HIVEP1: variants seen among roughly 807,000 people sequenced by gnomAD.
The protein encoded by HIVEP1 is HIVEP zinc finger 1.
A neutral mutation model predicts 180.0 loss-of-function variants in HIVEP1; 36 were observed. The ratio of observed to expected loss-of-function variants is 0.20; its 90% CI spans 0.15 to 0.26. The LOEUF (loss-of-function observed/expected upper bound fraction) is 0.26. Ranked by LOEUF, HIVEP1 falls within the 10% of genes least tolerant of loss-of-function variation. The pLI is 1.00. For missense variants in HIVEP1, 3,143 were observed against 3,268.7 expected (o/e 0.96, Z 0.94); for synonymous variants, 1,239 against 1,239.0 (o/e 1.00, Z 0.00).
In HIVEP1 at chr6:12,161,542, C is replaced by A. The variant is rs1049214459; in HGVS notation, c.6591C>A (p.Ser2197Arg). ...DNENEDDDED[S>R]QAESVLSATP... is the part of the protein sequence containing the mutation. ...AAAATGAAGACGATGATGAGGACAG[C>A]CAGGCTGAATCAGTCCTGTCAGCCA... Residue 2197 changes from serine to arginine, a missense_variant, in exon 8 of 9, where the codon AGC (serine) becomes AGA (arginine). By Grantham distance (110) the Ser-to-Arg change is moderately radical. This residue lies in a region of HIVEP1 where 126 missense variants were observed against 168.5 expected (regional missense o/e 0.75). Transcript: ENST00000379388. 5 of 1,614,102 alleles carry A rather than the reference C, an allele frequency of 3.1e-6. No homozygotes were observed. The Admixed American group carries it at 6.7e-5, about 22-fold the overall frequency.
At chr6:12,208,856 C>T in the HIVEP1 span, among the ~76,000 whole-genome samples, 2 of 151,646 alleles carry the variant, frequency 1.3e-5, no homozygotes, top group African/African-American at 4.8e-5. Flanking sequence ...GCCTAAGGTG[C>T]ACCATCTGTG....
rs1221588901 is a variant in HIVEP1, at chr6:12,162,687, G to T, written c.6979-596G>T. On this transcript the variant is annotated intron_variant, in intron 8 of 8. Transcript: ENST00000379388. ...ATGCCTAATTGTGGCAGATTGTGCT[G>T]TAAGCGTCTCTATCCCAAAACCTCT... 4.6e-5 allele frequency among the ~76,000 whole-genome samples: 7 copies of T among 152,210 alleles called. No individual in the cohort carries two copies. The South Asian group carries it at 1.2e-3, about 27-fold the overall frequency.
intron 2 of HIVEP1, among the ~76,000 whole-genome samples, chr6:12,051,849 C>T (rs1433443194): frequency 6.6e-6 from 1 of 152,050 alleles, no homozygotes; most frequent in Non-Finnish European, 1.5e-5. Context: ...TACACTTGTC[C>T]ATAATTATAC....
Position 12,079,933 on chromosome 6 carries a change from CATCTATCT to C in HIVEP1, c.41-9212_41-9205del, listed in dbSNP as rs60204350. The stretch of plus-strand genomic sequence containing the variant: ...AAATTTATTTTGACATTCCTGATGG[CATCTATCT>C]ATCTATCTATCTATCTATCTATCTA... On this transcript the variant is annotated intron_variant, in intron 2 of 8. Coordinates refer to ENST00000379388, the MANE Select transcript of HIVEP1 (RefSeq NM_002114.4). Among the ~76,000 whole-genome samples the C allele has an allele frequency of 6.0e-3, 891 of 149,242 alleles. 9 individuals are homozygous for C. The highest frequency in any genetic ancestry group is 0.017 in the African/African-American group (707 of 40,580).
chr6:12,029,277 T>C (rs1257553769), intron 2 of HIVEP1, among the ~76,000 whole-genome samples: 1 of 152,240 alleles, frequency 6.6e-6, no homozygotes, highest in Non-Finnish European at 1.5e-5. Flanking sequence ...GCATGGCATG[T>C]GTGTTCCTGT....
chr6:12,091,220 A>C (rs559465515), intron 3 of HIVEP1, among the ~76,000 whole-genome samples: 3 of 152,256 alleles, frequency 2.0e-5, no homozygotes, highest in African/African-American at 7.2e-5. Flanking sequence ...TCCATCAAAG[A>C]ATATACTTTA....
intron 7 of HIVEP1, among the ~76,000 whole-genome samples, chr6:12,159,207 TGC>T (rs1181843270): frequency 5.3e-5 from 8 of 151,902 alleles, no homozygotes; most frequent in South Asian, 2.1e-4. Flanking sequence ...TGTGTGTGTG[TGC>T]GCGCGCGCGT....
chr6:12,161,177 C>A (rs1019269229), intron 7 of HIVEP1, among the ~76,000 whole-genome samples: 2 of 152,184 alleles, frequency 1.3e-5, no homozygotes, highest in Non-Finnish European at 2.9e-5. Context: ...CCTCCACCTG[C>A]CTCATTCCCC....
the HIVEP1 span, among the ~76,000 whole-genome samples, chr6:12,211,499 A>C: frequency 5.8e-5 from 2 of 34,590 alleles, no homozygotes; most frequent in African/African-American, 1.9e-4. Flanking sequence ...ACACACACAC[A>C]CCCACACAAC....
chr6:12,030,465 A>T (rs1283898145), intron 2 of HIVEP1, among the ~76,000 whole-genome samples: 1 of 151,396 alleles, frequency 6.6e-6, no homozygotes, highest in Non-Finnish European at 1.5e-5. Context: ...TATCTCTTTA[A>T]TTTTTTTCTG....
intron 2 of HIVEP1, among the ~76,000 whole-genome samples, chr6:12,067,962 C>A (rs1771707667): frequency 6.6e-6 from 1 of 152,118 alleles, no homozygotes; most frequent in African/African-American, 2.4e-5. Flanking sequence ...TTTTATTTTT[C>A]TCCCCTCTAA....
At chr6:12,209,216 A>G in the HIVEP1 span, among the ~76,000 whole-genome samples, 1 of 152,080 alleles carries the variant, frequency 6.6e-6, no homozygotes, top group South Asian at 2.1e-4. Context: ...TCTATATCAC[A>G]AGGTCAGGAG....
At chr6:12,043,469 C>G (rs1233838895) in intron 2 of HIVEP1, among the ~76,000 whole-genome samples, 2 of 148,250 alleles carry the variant, frequency 1.3e-5, no homozygotes, top group African/African-American at 5.0e-5. Context: ...TCAAGTGATT[C>G]TCCTGCCTCA....
chr6:12,163,962 C>G lies in HIVEP1; in HGVS notation c.7658C>G (p.Thr2553Ser). Residue 2553 changes from threonine to serine, a missense_variant, in exon 9 of 9, where the codon ACC (threonine) becomes AGC (serine). Thr to Ser is a moderately conservative substitution (Grantham distance 58). Coordinates refer to ENST00000379388, the MANE Select transcript of HIVEP1 (RefSeq NM_002114.4). ...CAGATCTTGAACATAGCATTGCCCA[C>G]CTTAATCCCCTCAGTCAGTCAAGTA... ...GLQILNIALP[T>S]LIPSVSQVAV... 6.2e-7 allele frequency: 1 copy of G among 1,614,122 alleles called. No individual in the cohort carries two copies. The highest frequency in any genetic ancestry group is 1.6e-4 in the Middle Eastern group (1 of 6,062).
chr6:12,036,590 G>T (rs1769290178), intron 2 of HIVEP1, among the ~76,000 whole-genome samples: 1 of 152,194 alleles, frequency 6.6e-6, no homozygotes, highest in Admixed American at 6.5e-5. Flanking sequence ...CACATAAGCA[G>T]CTAACAACAC....
chr6:12,078,682 A>T (rs749205938), intron 2 of HIVEP1, among the ~76,000 whole-genome samples: 1 of 151,236 alleles, frequency 6.6e-6, no homozygotes, highest in Non-Finnish European at 1.5e-5. Context: ...TACACACACT[A>T]TACACACATA....
chr6:12,019,366 C>T (rs954755914), intron 2 of HIVEP1, among the ~76,000 whole-genome samples: 1 of 152,188 alleles, frequency 6.6e-6, no homozygotes, highest in African/African-American at 2.4e-5. Flanking sequence ...AAGCAGGTAA[C>T]CATCAGCTCC....
rs768641939 is a variant in HIVEP1 at position 12,123,644 on chromosome 6, G to C, written c.3849G>C (p.Arg1283Ser). The part of the protein sequence containing the change: ...PTEKLPPKKK[R>S]LRLAEIEHSS... ...AGAAACTGCCACCCAAAAAGAAAAG[G>C]CTCCGTCTGGCTGAGATAGAACATT... The change falls in exon 4 of 9, where the codon AGG becomes AGC. Residue 1283 changes from arginine to serine, a missense_variant. Coordinates refer to ENST00000379388, the MANE Select transcript of HIVEP1 (RefSeq NM_002114.4). 5 of 1,614,064 alleles carry C rather than the reference G, an allele frequency of 3.1e-6. No individual in the cohort carries two copies. The highest frequency in any genetic ancestry group is 4.2e-6 in the Non-Finnish European group (5 of 1,180,016).
chr6:12,089,116 G>T, intron 2 of HIVEP1, 68 bp from the exon 3 acceptor site: 1 of 836,168 alleles, frequency 1.2e-6, no homozygotes, highest in South Asian at 1.6e-5. Context: ...AAAGTAGTAT[G>T]TTTGCTTTAC....
Sources: gnomAD v4.1 joint callset for allele counts (sites outside exome capture counted in the v4.1 genomes callset) on GRCh38, gnomAD v4.1.1 for gene constraint, gnomAD v4.1.1 regional missense constraint, MANE v1.5 for transcripts, NCBI Gene and HGNC (gene_info 2026-07-23, HGNC 2026-07-21) for gene names.